Variants in SLC9A8 observed in about 807,000 individuals in gnomAD.
SLC9A8 encodes solute carrier family 9 member A8.
In SLC9A8, 48 loss-of-function variants were observed where a neutral mutation model predicts 66.6. The observed-to-expected ratio is 0.72, with a 90% CI of 0.57 to 0.92. SLC9A8 has a LOEUF of 0.92. Ranked by LOEUF, SLC9A8 falls within the 40% of genes least tolerant of loss-of-function variation. The probability of loss-of-function intolerance (pLI) is 0.00; values close to 1 mark genes in which losing one functional copy is unlikely to be tolerated. For synonymous variants in SLC9A8, 274 were observed against 282.6 expected (o/e 0.97, Z 0.31); for missense variants, 599 against 747.3 (o/e 0.80, Z 2.31).
chr20:49,831,317 G>A (rs1265255466), intron 3 of SLC9A8, among the ~76,000 whole-genome samples: 2 of 152,114 alleles, frequency 1.3e-5, no homozygotes, highest in Non-Finnish European at 2.9e-5. Context: ...TCTTGAGCTG[G>A]GCACTGGCCT....
chr20:49,843,340 G>A (rs1008431130), intron 4 of SLC9A8, among the ~76,000 whole-genome samples: 1 of 152,124 alleles, frequency 6.6e-6, no homozygotes, highest in African/African-American at 2.4e-5. Context: ...GCTTGAGCTT[G>A]TTGTACATGC....
At chr20:49,846,385 A>G (rs1568832251) in intron 5 of SLC9A8, among the ~76,000 whole-genome samples, 1 of 151,862 alleles carries the variant, frequency 6.6e-6, no homozygotes, top group Non-Finnish European at 1.5e-5. Flanking sequence ...AGCCAGAGAC[A>G]CAACACAGAT....
intron 10 of SLC9A8, 88 bp downstream of exon 10, chr20:49,864,932 T>G: frequency 2.4e-6 from 2 of 844,970 alleles, no homozygotes; most frequent in Non-Finnish European, 4.1e-6. Context: ...TCACTTTTAG[T>G]CACAAGAGAC....
intron 8 of SLC9A8, among the ~76,000 whole-genome samples, chr20:49,856,995 G>C (rs190089923): frequency 6.6e-6 from 1 of 152,134 alleles, no homozygotes; most frequent in Non-Finnish European, 1.5e-5. Context: ...ATGCATTTCA[G>C]ATAATCTCAA....
intron 10 of SLC9A8, among the ~76,000 whole-genome samples, chr20:49,873,136 T>C (rs999460195): frequency 6.6e-6 from 1 of 152,168 alleles, no homozygotes; most frequent in African/African-American, 2.4e-5. Flanking sequence ...CAGTAGTTCA[T>C]GATTATGGGA....
In SLC9A8 at chr20:49,830,601, C is replaced by G. The variant is rs1600664018; in HGVS notation, c.289+7460C>G. ...AGAAGCTCCCATCTCAGGGAATCAG[C>G]AGCTTTCTAATCACAGAATGTTGGT... On this transcript the variant is annotated intron_variant, in intron 3 of 15. Coordinates refer to ENST00000361573, the MANE Select transcript of SLC9A8 (RefSeq NM_015266.3). 3 of 612,028 alleles carry G rather than the reference C, an allele frequency of 4.9e-6. No individual in the cohort carries two copies. The East Asian group carries it at 8.8e-5, about 18-fold the overall frequency. The allele number at this position is 612,028 out of a possible 1,614,324, so 37.9% of individuals were successfully genotyped here.
intron 3 of SLC9A8, chr20:49,829,899 C>G (rs2087100728): frequency 1.7e-6 from 1 of 574,990 alleles, no homozygotes; most frequent in Non-Finnish European, 3.5e-6. Context: ...GAGACAGGCT[C>G]CAAATCCCCT....
At chr20:49,834,316 A>G (rs1241202308) in intron 3 of SLC9A8, among the ~76,000 whole-genome samples, 30 of 103,720 alleles carry the variant, frequency 2.9e-4, no homozygotes, top group East Asian at 6.6e-4. Flanking sequence ...TACAGTGTGT[A>G]TATATATATA....
At chr20:49,863,292 A>G (rs781580807) in intron 9 of SLC9A8, among the ~76,000 whole-genome samples, 2 of 152,202 alleles carry the variant, frequency 1.3e-5, no homozygotes, top group Non-Finnish European at 2.9e-5. Context: ...AAACATGTAC[A>G]CTGTTGGATA....
intron 3 of SLC9A8, among the ~76,000 whole-genome samples, chr20:49,824,921 A>G (rs1483794277): frequency 6.6e-6 from 1 of 152,176 alleles, no homozygotes; most frequent in Non-Finnish European, 1.5e-5. Flanking sequence ...GGGAAGCGTG[A>G]TGAGGTAGTG....
intron 10 of SLC9A8, among the ~76,000 whole-genome samples, chr20:49,874,019 G>A (rs1390970175): frequency 6.6e-6 from 1 of 152,132 alleles, no homozygotes. Context: ...GGAGGCCGAG[G>A]TGGGCAGATC....
In SLC9A8 at chr20:49,887,952, C is replaced by T. The variant is rs1407783677; in HGVS notation, c.*16C>T. 1 of 1,604,058 alleles carries T rather than the reference C, an allele frequency of 6.2e-7. No individual in the cohort carries two copies. The highest frequency in any genetic ancestry group is 1.1e-5 in the South Asian group (1 of 90,824). On this transcript the variant is annotated 3_prime_UTR_variant, in exon 16 of 16. Transcript: ENST00000361573. ...GCTGCTCTGACGCCAGGTGCCAAGG[C>T]TTCAGGCAGGCAGGCCCAGGATGGG...
chr20:49,880,779 T>C, intron 12 of SLC9A8, 145 bp from the exon 13 acceptor site: 1 of 626,550 alleles, frequency 1.6e-6, no homozygotes, highest in Middle Eastern at 3.0e-4. Context: ...CTGACGAGCA[T>C]GGTGTTGCTC....
chr20:49,828,554 AG>A (rs1038429994), intron 3 of SLC9A8, among the ~76,000 whole-genome samples: 1 of 148,748 alleles, frequency 6.7e-6, no homozygotes, highest in Non-Finnish European at 1.5e-5. Flanking sequence ...AAAAAAAAAA[AG>A]GGCCTGGCAC....
rs1470089648 is a variant in SLC9A8, at chr20:49,890,732, G to C, written c.*2796G>C. 1 of 152,276 alleles carries C rather than the reference G, an allele frequency of 6.6e-6. No homozygotes were observed. Among genetic ancestry groups the C allele is most frequent in the African/African-American group, 2.4e-5 (1 of 41,436 alleles). The allele number at this position is 152,276 out of a possible 1,614,324, so 9.4% of individuals were successfully genotyped here. On this transcript the variant is annotated 3_prime_UTR_variant, in exon 16 of 16. Coordinates refer to ENST00000361573, the MANE Select transcript of SLC9A8 (RefSeq NM_015266.3). ...CCAGGGCCAGGCTAAGGGTGGCTCA[G>C]TTCCATCATCTGGAGGTCAGACACA...
At chr20:49,873,569 G>A (rs984058239) in intron 10 of SLC9A8, among the ~76,000 whole-genome samples, 3 of 150,300 alleles carry the variant, frequency 2.0e-5, no homozygotes, top group Non-Finnish European at 2.9e-5. Flanking sequence ...TCAGGAGTTC[G>A]AGACCAGCCT....
In SLC9A8 at chr20:49,834,347, A is replaced by C. The variant is rs565629337; in HGVS notation, c.290-5194A>C. On this transcript the variant is annotated intron_variant, in intron 3 of 15. Transcript: ENST00000361573. ...ATATATACTGTGTATATATATATAT[A>C]CTGTATATATATATATACTGTGTAT... is the stretch of plus-strand genomic sequence containing the variant. Among the ~76,000 whole-genome samples the C allele has an allele frequency of 5.6e-3, 409 of 73,004 alleles. 19 individuals are homozygous for C. Among genetic ancestry groups the C allele is most frequent in the African/African-American group, 9.6e-3 (129 of 13,438 alleles). 47.9% of individuals were successfully genotyped at this position (73,004 alleles called of 152,430 possible).
chr20:49,886,942 G>A lies in SLC9A8; in HGVS notation c.1638+44G>A. On this transcript the variant is annotated intron_variant, in intron 15 of 15. Transcript: ENST00000361573. The surrounding 1 kb of genome is among the most constrained non-coding windows in gnomAD (Gnocchi z 4.8). The stretch of plus-strand genomic sequence containing the variant: ...CACACTTTCTGGGGGTCCCTTGCCT[G>A]CCTCCTTCAGGACCTGCGGTGGCCC... 1 of 1,583,000 alleles carries A rather than the reference G, an allele frequency of 6.3e-7. No individual in the cohort carries two copies. Among genetic ancestry groups the A allele is most frequent in the South Asian group, 1.2e-5 (1 of 86,406 alleles).
Position 49,818,586 on chromosome 20 carries a change from G to A in SLC9A8, c.208+3397G>A, listed in dbSNP as rs541496207. ...CCTCACTGCAACTTCTGCCTCCCGG[G>A]TTCAAGTGATTCTCCTGCCTCAGCC... On this transcript the variant is annotated intron_variant, in intron 2 of 15. Transcript: ENST00000361573. Among the ~76,000 whole-genome samples, 41 of 151,008 alleles carry A rather than the reference G, an allele frequency of 2.7e-4. 1 individual carries two copies. Among genetic ancestry groups the A allele is most frequent in the African/African-American group, 9.5e-4 (39 of 41,044 alleles).
Sources: allele counts gnomAD v4.1 joint callset (sites outside exome capture counted in the v4.1 genomes callset), GRCh38; gene constraint gnomAD v4.1.1; non-coding constraint Gnocchi (gnomAD v3.1); transcripts MANE v1.5; gene names NCBI Gene and HGNC (gene_info 2026-07-23, HGNC 2026-07-21).